Variants in ADGRG2 observed in about 807,000 individuals in gnomAD.
The protein encoded by ADGRG2 is G protein-coupled receptor 64.
A neutral mutation model predicts 74.1 loss-of-function variants in ADGRG2; 26 were observed. The ratio of observed to expected loss-of-function variants is 0.35; its 90% CI spans 0.26 to 0.49. ADGRG2 has a LOEUF of 0.49. Ranked by LOEUF, ADGRG2 falls within the 20% of genes least tolerant of loss-of-function variation. ADGRG2 has a pLI of 0.99. For missense variants in ADGRG2, 619 were observed against 763.1 expected (o/e 0.81, Z 2.22); for synonymous variants, 296 against 295.2 (o/e 1.00, Z -0.03).
At chrX:19,102,329 A>AT (rs2062204139) in intron 1 of ADGRG2, among the ~76,000 whole-genome samples, 1 of 110,688 alleles carries the variant, frequency 9.0e-6, no homozygotes, top group South Asian at 4.0e-4. Context: ...TGATATGAAC[A>AT]TAACTCTGAG....
intron 2 of ADGRG2, among the ~76,000 whole-genome samples, chrX:19,074,562 C>CTT (rs1212446647): frequency 1.3e-4 from 9 of 67,196 alleles, no homozygotes; most frequent in African/African-American, 4.6e-4. Flanking sequence ...TCTTCTTCTT[C>CTT]TTTTTTTTTT....
At chrX:19,083,519 G>A (rs1475901770) in intron 1 of ADGRG2, among the ~76,000 whole-genome samples, 1 of 110,619 alleles carries the variant, frequency 9.0e-6, no homozygotes, top group African/African-American at 3.3e-5. Context: ...CAAGGATTGG[G>A]GCATTTAGGT....
intron 2 of ADGRG2, among the ~76,000 whole-genome samples, chrX:19,074,376 A>G (rs929720938): frequency 9.1e-6 from 1 of 110,457 alleles, no homozygotes; most frequent in Non-Finnish European, 1.9e-5. Flanking sequence ...AGTAGCTGAG[A>G]CTACAGGCAT....
At chrX:19,031,740 ATGAGCATCAGAAC>A (rs1178045710) in intron 8 of ADGRG2, 2 of 112,356 alleles carry the variant, frequency 1.8e-5, no homozygotes, top group African/African-American at 6.5e-5. Flanking sequence ...GGGAGATAAA[ATGAGCATCAGAAC>A]CAAAACTTTA....
At chrX:19,061,696 C>T (rs759476144) in intron 3 of ADGRG2, among the ~76,000 whole-genome samples, 2 of 112,173 alleles carry the variant, frequency 1.8e-5, no homozygotes, top group African/African-American at 6.5e-5. Flanking sequence ...TTTAAGGTAG[C>T]TTTGTCTCTT....
intron 18 of ADGRG2, among the ~76,000 whole-genome samples, chrX:19,008,723 G>A (rs1320682969): frequency 1.8e-5 from 2 of 111,429 alleles, no homozygotes; most frequent in East Asian, 2.8e-4. Flanking sequence ...AGAAGGAAAG[G>A]AAACATTTTA....
At chrX:18,993,162 G>A (rs893833122) in intron 28 of ADGRG2, among the ~76,000 whole-genome samples, 5 of 111,648 alleles carry the variant, frequency 4.5e-5, no homozygotes, top group East Asian at 5.6e-4. Context: ...TCAACTGGGG[G>A]CAATCTTGCT....
At chrX:19,012,140 G>A (rs1424298928) in intron 16 of ADGRG2, among the ~76,000 whole-genome samples, 2 of 112,102 alleles carry the variant, frequency 1.8e-5, no homozygotes, top group African/African-American at 3.2e-5. Context: ...TTACATGGTC[G>A]CATAATAGTC....
At chrX:19,107,468 G>GT (rs1267755658) in intron 1 of ADGRG2, among the ~76,000 whole-genome samples, 1 of 111,804 alleles carries the variant, frequency 8.9e-6, no homozygotes, top group Non-Finnish European at 1.9e-5. Context: ...GCATAATTTA[G>GT]TTTTTTAACC....
chrX:19,079,568 A>T (rs1468582672), intron 2 of ADGRG2, among the ~76,000 whole-genome samples: 2 of 112,201 alleles, frequency 1.8e-5, no homozygotes, highest in Admixed American at 1.9e-4. Context: ...GACAGAAACT[A>T]GGTTAACTGG....
intron 13 of ADGRG2, 61 bp downstream of exon 13, chrX:19,023,355 T>C (rs1461077514): frequency 1.4e-6 from 1 of 692,347 alleles, no homozygotes; most frequent in African/African-American, 2.2e-5. Flanking sequence ...TAAGACTCCT[T>C]AATACTTTAT....
chrX:19,093,151 AC>A (rs1853898363), intron 1 of ADGRG2, among the ~76,000 whole-genome samples: 1 of 112,150 alleles, frequency 8.9e-6, no homozygotes, highest in Non-Finnish European at 1.9e-5. Flanking sequence ...TCCTCAACTA[AC>A]CTGCTCAGGG....
chrX:19,000,200 T>C (rs764420562), intron 24 of ADGRG2, among the ~76,000 whole-genome samples: 67 of 111,074 alleles, frequency 6.0e-4, no homozygotes, highest in African/African-American at 2.1e-3. Context: ...GGTTTCACCA[T>C]GTTAGCCAGG....
At chrX:19,116,506 C>CA (rs10677696) in intron 1 of ADGRG2, among the ~76,000 whole-genome samples, 1,531 of 23,142 alleles carry the variant, frequency 0.066, 95 homozygotes, top group African/African-American at 0.073. Context: ...GATTCCGTCT[C>CA]AAAAAAAAAA....
At chrX:19,053,583 C>CAA (rs1268495419) in intron 3 of ADGRG2, among the ~76,000 whole-genome samples, 5 of 111,939 alleles carry the variant, frequency 4.5e-5, no homozygotes, top group Non-Finnish European at 9.4e-5. Flanking sequence ...CTTAACCCAT[C>CAA]TGCACTTCAG....
chrX:19,053,964 TG>T (rs957310767), intron 3 of ADGRG2, among the ~76,000 whole-genome samples: 4 of 111,380 alleles, frequency 3.6e-5, no homozygotes, highest in African/African-American at 1.3e-4. Context: ...AAGAACAGTA[TG>T]GGGGAAACCG....
chrX:19,114,657 C>A (rs185127589), intron 1 of ADGRG2, among the ~76,000 whole-genome samples: 1 of 111,516 alleles, frequency 9.0e-6, no homozygotes, highest in Non-Finnish European at 1.9e-5. Flanking sequence ...CCTCCAAACC[C>A]TGCCAGTCAT....
chrX:19,002,713 A>G (rs942882382), intron 24 of ADGRG2, 133 bp downstream of exon 24: 2 of 583,218 alleles, frequency 3.4e-6, no homozygotes, highest in African/African-American at 4.6e-5. Flanking sequence ...GGCAGTGCAC[A>G]TGTAAGAGTA....
chrX:19,047,451 T>C (rs1439053044), intron 3 of ADGRG2, among the ~76,000 whole-genome samples: 1 of 112,047 alleles, frequency 8.9e-6, no homozygotes, highest in African/African-American at 3.3e-5. Flanking sequence ...GTGGTAGATA[T>C]TAAGACTTCA....
Sources: allele counts gnomAD v4.1 joint callset (sites outside exome capture counted in the v4.1 genomes callset), GRCh38; gene constraint gnomAD v4.1.1; transcripts MANE v1.5; gene names NCBI Gene and HGNC (gene_info 2026-07-23, HGNC 2026-07-21).